Variants in PDE4B observed in about 807,000 individuals in gnomAD.
The protein encoded by PDE4B is 3',5'-cyclic-AMP phosphodiesterase 4B.
Under a neutral mutation model 82.2 loss-of-function variants are expected in PDE4B, and 20 were observed. The ratio of observed to expected loss-of-function variants is 0.24; its 90% confidence interval spans 0.17 to 0.35. The LOEUF (loss-of-function observed/expected upper bound fraction) is 0.35, where lower values mean the gene tolerates loss of function less well. PDE4B is among the 10% of genes least tolerant of loss of function. PDE4B has a pLI of 1.00. For synonymous variants in PDE4B, 320 were observed against 318.9 expected (o/e 1.00, Z -0.04); for missense variants, 655 against 907.2 (o/e 0.72, Z 3.57).
chr1:66,361,858 C>A, intron 10 of PDE4B, 65 bp downstream of exon 10: 4 of 1,285,970 alleles, frequency 3.1e-6, no homozygotes, highest in East Asian at 4.7e-5. Context: ...TGACCGTATA[C>A]CTTTTAGAAA....
At chr1:65,973,756 C>T (rs1417247473) in intron 3 of PDE4B, among the ~76,000 whole-genome samples, 2 of 151,996 alleles carry the variant, frequency 1.3e-5, no homozygotes, top group Admixed American at 1.3e-4. Context: ...GAATTCTAAT[C>T]TAAAGCATAC....
At chr1:66,229,046 C>T (rs577788937) in intron 3 of PDE4B, among the ~76,000 whole-genome samples, 75 of 151,956 alleles carry the variant, frequency 4.9e-4, no homozygotes, top group African/African-American at 8.9e-4. Flanking sequence ...CTTGCTCTGT[C>T]GCCCAGGCTG....
intron 3 of PDE4B, among the ~76,000 whole-genome samples, chr1:65,994,099 A>G (rs1651399124): frequency 6.6e-6 from 1 of 152,168 alleles, no homozygotes; most frequent in Non-Finnish European, 1.5e-5. Context: ...TGTACATTTT[A>G]AAGGCAATTC....
rs578041625 is a variant in PDE4B at position 66,292,458 on chromosome 1, A to G, written c.634+26371A>G. 1.2e-4 allele frequency among the ~76,000 whole-genome samples: 19 copies of G among 152,314 alleles called. 1 individual carries two copies. In the South Asian group the frequency reaches 3.9e-3, roughly 32 times the overall value. ...GAAGGCCAAGTCATTATCTGGAGAC[A>G]GATAACAATGGATATAAATCACAGC... On this transcript the variant is annotated intron_variant, in intron 7 of 16. Transcript: ENST00000341517.
intron 3 of PDE4B, among the ~76,000 whole-genome samples, chr1:66,159,703 C>CT: frequency 6.6e-6 from 1 of 152,200 alleles, no homozygotes; most frequent in East Asian, 1.9e-4. Flanking sequence ...GGGGTAGTGT[C>CT]TTTTATTCCT....
intron 3 of PDE4B, among the ~76,000 whole-genome samples, chr1:66,208,971 G>C (rs1649796684): frequency 6.6e-6 from 1 of 152,182 alleles, no homozygotes; most frequent in East Asian, 1.9e-4. Context: ...GACCAGGACT[G>C]TCTTGACTAC....
intron 1 of PDE4B, among the ~76,000 whole-genome samples, chr1:65,844,619 A>G (rs1646248067): frequency 6.6e-6 from 1 of 152,208 alleles, no homozygotes; most frequent in Non-Finnish European, 1.5e-5. Flanking sequence ...AATTTATTTT[A>G]TTATAGGGAG....
At chr1:65,996,011 T>C (rs928890087) in intron 3 of PDE4B, among the ~76,000 whole-genome samples, 2 of 152,180 alleles carry the variant, frequency 1.3e-5, no homozygotes, top group Admixed American at 6.6e-5. Context: ...TGTGGACTAA[T>C]GGCAGAAGAT....
intron 1 of PDE4B, among the ~76,000 whole-genome samples, chr1:65,889,236 T>G (rs1211877463): frequency 1.3e-5 from 2 of 152,198 alleles, no homozygotes; most frequent in Admixed American, 1.3e-4. Context: ...GTATCACATT[T>G]ATTGATTTGC....
chr1:66,214,467 C>T (rs1650300978), intron 3 of PDE4B, among the ~76,000 whole-genome samples: 1 of 152,026 alleles, frequency 6.6e-6, no homozygotes, highest in Non-Finnish European at 1.5e-5. Context: ...AGGTATTGGG[C>T]TGAGGGATTG....
At chr1:65,978,090 C>T (rs765985512) in intron 3 of PDE4B, among the ~76,000 whole-genome samples, 32 of 141,240 alleles carry the variant, frequency 2.3e-4, no homozygotes, top group Non-Finnish European at 4.5e-4. Context: ...TGCAATGGTG[C>T]GGTCTCAGCT....
At chr1:65,971,462 T>G (rs948549824) in intron 3 of PDE4B, among the ~76,000 whole-genome samples, 1 of 152,122 alleles carries the variant, frequency 6.6e-6, no homozygotes, top group Non-Finnish European at 1.5e-5. Flanking sequence ...GCATCTCTAT[T>G]AATAGACAGT....
At chr1:66,138,014 AAG>A (rs1646092703) in intron 3 of PDE4B, among the ~76,000 whole-genome samples, 1 of 152,190 alleles carries the variant, frequency 6.6e-6, no homozygotes, top group Non-Finnish European at 1.5e-5. Flanking sequence ...ATTATAGAGA[AAG>A]AAACTGAAGT....
intron 7 of PDE4B, 108 bp from the exon 8 acceptor site, chr1:66,332,400 A>G: frequency 6.2e-7 from 1 of 1,614,012 alleles, no homozygotes; most frequent in Middle Eastern, 1.7e-4. Flanking sequence ...ATGAAGGAGC[A>G]CGGGGGCACC....
At chr1:66,115,080 C>T (rs2101061352) in intron 3 of PDE4B, among the ~76,000 whole-genome samples, 1 of 152,090 alleles carries the variant, frequency 6.6e-6, no homozygotes, top group South Asian at 2.1e-4. Context: ...CCATAATTTC[C>T]CTTTGTTGAA....
At chr1:66,045,275 G>A (rs1464404823) in intron 3 of PDE4B, among the ~76,000 whole-genome samples, 1 of 150,284 alleles carries the variant, frequency 6.7e-6, no homozygotes, top group African/African-American at 2.4e-5. Flanking sequence ...AATTTTTTGT[G>A]GGTACTCCCT....
intron 3 of PDE4B, among the ~76,000 whole-genome samples, chr1:66,178,169 A>C (rs969155039): frequency 6.6e-6 from 1 of 152,084 alleles, no homozygotes; most frequent in Non-Finnish European, 1.5e-5. Context: ...TCCCCCCCAA[A>C]AAAAGAAGTC....
chr1:66,219,903 T>C (rs879649344), intron 3 of PDE4B, among the ~76,000 whole-genome samples: 3 of 152,178 alleles, frequency 2.0e-5, no homozygotes, highest in Admixed American at 6.6e-5. Context: ...AGAGACAACA[T>C]ACTGTGTACA....
At chr1:66,094,475 A>G (rs973548303) in intron 3 of PDE4B, 2 of 151,988 alleles carry the variant, frequency 1.3e-5, no homozygotes, top group Non-Finnish European at 1.5e-5. Context: ...TTAGTCCTTT[A>G]AAGTTTTCAA....
Sources: gnomAD v4.1 joint callset for allele counts (sites outside exome capture counted in the v4.1 genomes callset) on GRCh38, gnomAD v4.1.1 for gene constraint, MANE v1.5 for transcripts, NCBI Gene and HGNC (gene_info 2026-07-23, HGNC 2026-07-21) for gene names.